CNTN2: variants seen among roughly 807,000 people sequenced by gnomAD.
CNTN2 encodes the protein contactin 2.
In CNTN2, 53 loss-of-function variants were observed where a neutral mutation model predicts 117.5. That is an observed-to-expected ratio of 0.45 (90% CI 0.36 to 0.57). The LOEUF is 0.57. Among genes scored for constraint, CNTN2 ranks in the 20% least tolerant of loss-of-function variants. The pLI, the probability that CNTN2 is intolerant of heterozygous loss-of-function variation, is 0.00. For synonymous variants in CNTN2, 530 were observed against 561.7 expected, an observed-to-expected ratio of 0.94 and a Z score of 0.80; for missense variants, 1,106 against 1,404.3, an observed-to-expected ratio of 0.79 and a Z score of 3.39.
chr1:205,072,544 G>T lies in CNTN2; in HGVS notation c.2793G>T (p.Lys931Asn). ...TCTCAAGCTCTAGTCTTAGCATTAAGTGGGACCCTGTGGTCCCTTTCCGAA... is the reference window on the plus strand; with the variant it reads ...TCTCAAGCTCTAGTCTTAGCATTAATTGGGACCCTGTGGTCCCTTTCCGAA... ...WTFSSSSLSIKWDPVVPFRNE... is the reference protein window; with the variant it reads ...WTFSSSSLSINWDPVVPFRNE... Residue 931 changes from lysine to asparagine, a missense_variant, in exon 21 of 23, where the codon AAG becomes AAT. By Grantham distance (94) the Lys-to-Asn change is moderately conservative. Coordinates refer to ENST00000331830, the MANE Select transcript of CNTN2 (RefSeq NM_005076.5). 1.2e-6 allele frequency: 2 copies of T among 1,614,198 alleles called. No individual in the cohort carries two copies. The highest frequency in any genetic ancestry group is 2.2e-5 in the South Asian group (2 of 91,088).
Position 205,061,940 on chromosome 1 carries a change from C to A in CNTN2, c.1049C>A (p.Ala350Asp). ...IGSNLRWGCA[A>D]AGKPRPTVRW... ...TCCAACCTGCGTTGGGGCTGTGCAG[C>A]CGCCGGCAAGCCCCGGCCTACAGTG... is the stretch of plus-strand genomic sequence containing the variant. Residue 350 changes from alanine (A) to aspartate (D), a missense_variant, in exon 9 of 23, where the codon GCC becomes GAC. Physicochemically the swap from Ala to Asp is moderately radical, Grantham distance 126. Transcript: ENST00000331830. This position sits in a 1 kb window ranked among gnomAD's most constrained non-coding sequence, Gnocchi z 4.8. The A allele has an allele frequency of 6.2e-7, 1 of 1,609,786 alleles. No individual in the cohort carries two copies. The highest frequency in any genetic ancestry group is 8.5e-7 in the Non-Finnish European group (1 of 1,177,972).
chr1:205,065,973 CCTG>C lies in CNTN2; in HGVS notation c.1816+67_1816+69del. ...TTAAAACCCAGCTGGGCTGTTCTGA[CCTG>C]CTCGCCTCATCTCCCCTCCCTTCCC... is the stretch of plus-strand genomic sequence containing the variant. On this transcript the variant is annotated intron_variant, in intron 14 of 22. Transcript: ENST00000331830. This position sits in a 1 kb window ranked among gnomAD's most constrained non-coding sequence, Gnocchi z 4.1. The C allele has an allele frequency of 6.5e-7, 1 of 1,527,472 alleles. No homozygotes were observed. The highest frequency in any genetic ancestry group is 8.8e-7 in the Non-Finnish European group (1 of 1,136,320). 94.6% of individuals were successfully genotyped at this position (1,527,472 alleles called of 1,614,324 possible).
At chr1:205,069,286 G>GCACA in intron 16 of CNTN2, 1 of 559,906 alleles carries the variant, frequency 1.8e-6, no homozygotes, top group Non-Finnish European at 3.2e-6. Flanking sequence ...GCCCAGGGAA[G>GCACA]CACAGCTAGT....
chr1:205,058,476 T>C lies in CNTN2; in HGVS notation c.392-92T>C. ...CCTTCCTGACCTCACATGACATGCC[T>C]TAGTGAACTGCTGCTTCTCCGTGAA... On this transcript the variant is annotated intron_variant, in intron 4 of 22. Transcript: ENST00000331830. The surrounding 1 kb of genome is among the most constrained non-coding windows in gnomAD (Gnocchi z 4.3). 6.5e-7 allele frequency: 1 copy of C among 1,549,768 alleles called. No homozygotes were observed. Among genetic ancestry groups the C allele is most frequent in the Non-Finnish European group, 8.9e-7 (1 of 1,129,282 alleles).
chr1:205,054,077 G>A (rs1463776295), intron 2 of CNTN2, among the ~76,000 whole-genome samples: 5 of 152,192 alleles, frequency 3.3e-5, no homozygotes, highest in African/African-American at 4.8e-5. Context: ...GTCCCCAGCC[G>A]CCTCCTGCTC....
chr1:205,062,199 A>G (rs1574648118), intron 9 of CNTN2, 198 bp downstream of exon 9: 1 of 839,716 alleles, frequency 1.2e-6, no homozygotes, highest in Non-Finnish European at 1.8e-6. Context: ...ATCCAGGCAC[A>G]GTTCAGCCAC....
chr1:205,072,385 C>A, intron 20 of CNTN2, 98 bp from the exon 21 acceptor site: 2 of 1,069,514 alleles, frequency 1.9e-6, no homozygotes, highest in Non-Finnish European at 2.8e-6. Flanking sequence ...GGTGTAACTG[C>A]TAGAGGCAAA....
In CNTN2 at chr1:205,070,488, A is replaced by T; in HGVS notation, c.2494A>T (p.Thr832Ser). 1 of 1,614,084 alleles carries T rather than the reference A, an allele frequency of 6.2e-7. No homozygotes were observed. Among genetic ancestry groups the T allele is most frequent in the Non-Finnish European group, 8.5e-7 (1 of 1,179,988 alleles). ...KGVSSSEMNV[T>S]WEPVQQDMNG... ...GGTCTCATCCTCAGAGATGAACGTG[A>T]CCTGGGAACCCGTGCAGCAGGACAT... Residue 832 changes from threonine to serine, a missense_variant, in exon 19 of 23, where the codon ACC becomes TCC. Physicochemically the swap from Thr to Ser is moderately conservative, Grantham distance 58 (BLOSUM62 1). Coordinates refer to ENST00000331830, the MANE Select transcript of CNTN2 (RefSeq NM_005076.5).
chr1:205,066,813 G>A lies in CNTN2; in HGVS notation c.1975+214G>A, dbSNP rs549821820. Among the ~76,000 whole-genome samples the A allele has an allele frequency of 1.2e-4, 18 of 152,304 alleles. 1 individual carries two copies. In the East Asian group the frequency reaches 3.5e-3, roughly 29 times the overall value. On this transcript the variant is annotated intron_variant, in intron 15 of 22. Coordinates refer to ENST00000331830, the MANE Select transcript of CNTN2 (RefSeq NM_005076.5). ...GGAGAGTCGGGAAAGAGTTAGAAGA[G>A]GAGGCGCTTGGTCTATGCCCTTGAA...
intron 16 of CNTN2, 62 bp from the exon 17 acceptor site, chr1:205,069,429 A>C (rs1654464555): frequency 6.4e-7 from 1 of 1,554,662 alleles, no homozygotes. Flanking sequence ...GCACAGGCTC[A>C]GGGCTTTCAT....
Position 205,073,149 on chromosome 1 carries a change from G to A in CNTN2, c.2926G>A (p.Asp976Asn), listed in dbSNP as rs762564380. 4 of 1,614,070 alleles carry A rather than the reference G, an allele frequency of 2.5e-6. No individual in the cohort carries two copies. The Admixed American group carries it at 5.0e-5, about 20-fold the overall frequency. The change falls in exon 22 of 23, where the codon GAC (aspartate) becomes AAC (asparagine). Residue 976 changes from aspartate (D) to asparagine (N), a missense_variant. Asp to Asn is a conservative substitution (Grantham distance 23). Coordinates refer to ENST00000331830, the MANE Select transcript of CNTN2 (RefSeq NM_005076.5). This position sits in a 1 kb window ranked among gnomAD's most constrained non-coding sequence, Gnocchi z 6.3. Reference protein sequence around the residue: ...KNWIEIPVPEDIGHALVQIRT... With the variant: ...KNWIEIPVPENIGHALVQIRT... ...CTGGATAGAAATCCCAGTGCCTGAA[G>A]ACATTGGCCATGCCCTGGTACAAAT...
In CNTN2 at chr1:205,059,195, C is replaced by G; in HGVS notation, c.599C>G (p.Ser200Ter). 6.2e-7 allele frequency: 1 copy of G among 1,614,250 alleles called. No homozygotes were observed. The highest frequency in any genetic ancestry group is 8.5e-7 in the Non-Finnish European group (1 of 1,180,040). Residue 200 changes from serine (S) to a stop codon, truncating the protein, a stop_gained, in exon 6 of 23, where the codon TCA (serine) becomes TGA (stop). Transcript: ENST00000331830. LOFTEE classifies it high-confidence loss of function. The surrounding 1 kb of genome is among the most constrained non-coding windows in gnomAD (Gnocchi z 5.6). ...CTGTACATTGCCCGAACCAATGCCT[C>G]AGACCTGGGCAACTACTCCTGTTTG... is the stretch of plus-strand genomic sequence containing the variant. The part of the protein sequence containing the change: ...GNLYIARTNA[S>*]DLGNYSCLAT...
chr1:205,067,351 C>G, intron 16 of CNTN2, 101 bp downstream of exon 16: 5 of 1,423,460 alleles, frequency 3.5e-6, no homozygotes, highest in Non-Finnish European at 3.8e-6. Context: ...GAGTTCCAAC[C>G]CTGCTCACAG....
At chr1:205,064,891 C>T (rs1654195952) in intron 12 of CNTN2, 141 bp downstream of exon 12, 2 of 1,321,994 alleles carry the variant, frequency 1.5e-6, no homozygotes, top group African/African-American at 1.5e-5. Context: ...GGACCACCCC[C>T]TGGCCACCAC....
At position 205,072,667 on chromosome 1, in the gene CNTN2, C is replaced by A. The variant is rs2151200491; in HGVS notation, c.2844+72C>A. 4 of 1,170,800 alleles carry A rather than the reference C, an allele frequency of 3.4e-6. No homozygotes were observed. The South Asian group carries it at 3.7e-5, about 11-fold the overall frequency. 72.5% of individuals were successfully genotyped at this position (1,170,800 alleles called of 1,614,324 possible). ...CTGTGTTTCCAGTGAACATAAGCAG[C>A]AGCAATTTATAGCAAGAGGCATCTG... On this transcript the variant is annotated intron_variant, in intron 21 of 22. Coordinates refer to ENST00000331830, the MANE Select transcript of CNTN2 (RefSeq NM_005076.5).
intron 1 of CNTN2, among the ~76,000 whole-genome samples, chr1:205,046,682 C>G (rs2151181045): frequency 6.6e-6 from 1 of 152,308 alleles, no homozygotes; most frequent in African/African-American, 2.4e-5. Flanking sequence ...GCAGAAATTG[C>G]TCTGCTAATG....
intron 2 of CNTN2, chr1:205,057,635 TG>T (rs1454980986): frequency 4.9e-5 from 14 of 285,508 alleles, no homozygotes; most frequent in Non-Finnish European, 8.5e-5. Flanking sequence ...AAGTGTAGGA[TG>T]GGTGATTGAT....
In CNTN2 at chr1:205,073,648, G is replaced by A; in HGVS notation, c.3014-8G>A. ...AGGCCCAGCTGACTCAGCTTGTGCT[G>A]GTTTCAGGCACAAGCATGATGGTGG... On this transcript the variant is annotated splice_polypyrimidine_tract_variant and splice_region_variant and intron_variant, in intron 22 of 22. Transcript: ENST00000331830. This position sits in a 1 kb window ranked among gnomAD's most constrained non-coding sequence, Gnocchi z 6.3. The A allele has an allele frequency of 1.9e-6, 3 of 1,611,602 alleles. No homozygotes were observed. The highest frequency in any genetic ancestry group is 1.7e-6 in the Non-Finnish European group (2 of 1,178,632).
In CNTN2 at chr1:205,058,065, G is replaced by T. The variant is rs145070278; in HGVS notation, c.215G>T (p.Arg72Leu). 4 of 1,613,234 alleles carry T rather than the reference G, an allele frequency of 2.5e-6. No individual in the cohort carries two copies. The highest frequency in any genetic ancestry group is 3.4e-6 in the Non-Finnish European group (4 of 1,179,726). Residue 72 changes from arginine (R) to leucine (L), a missense_variant and splice_region_variant, in exon 3 of 23, where the codon CGG becomes CTG. Transcript: ENST00000331830. This position sits in a 1 kb window ranked among gnomAD's most constrained non-coding sequence, Gnocchi z 4.3. ...CGGGCCAGCCCTCCAGCCACCTATC[G>T]GTAAGGCCTCTGCAGTGGGTGCTGG... ...RARASPPATY[R>L]WKMNGTEMKL... is the part of the protein sequence containing the mutation.
Sources: gnomAD v4.1 joint callset for allele counts (sites outside exome capture counted in the v4.1 genomes callset) on GRCh38, gnomAD v4.1.1 for gene constraint, Gnocchi (gnomAD v3.1) non-coding constraint, MANE v1.5 for transcripts, NCBI Gene and HGNC (gene_info 2026-07-23, HGNC 2026-07-21) for gene names.